PLA2R1: variants seen among roughly 807,000 people sequenced by gnomAD.
The protein encoded by PLA2R1 is secretory phospholipase A2 receptor.
PLA2R1 carries 158 observed loss-of-function variants against 195.9 expected under a neutral mutation model. The observed-to-expected ratio is 0.81, with a 90% CI of 0.71 to 0.92. The LOEUF (loss-of-function observed/expected upper bound fraction) is 0.92. Among genes scored for constraint, PLA2R1 ranks in the 40% least tolerant of loss-of-function variants. PLA2R1 has a pLI of 0.00. For missense variants in PLA2R1, 1,626 were observed against 1,764.6 expected, an observed-to-expected ratio of 0.92 and a Z score of 1.41; for synonymous variants, 586 against 598.2, an observed-to-expected ratio of 0.98 and a Z score of 0.30.
At chr2:159,981,041 C>T (rs1396052156) in intron 13 of PLA2R1, among the ~76,000 whole-genome samples, 1 of 152,166 alleles carries the variant, frequency 6.6e-6, no homozygotes, top group Non-Finnish European at 1.5e-5. Flanking sequence ...ATGGCATAGG[C>T]TGAAAATCCA....
rs909106839 is a variant in PLA2R1, at chr2:160,041,950, T to G, written c.667+75A>C. On this transcript the variant is annotated intron_variant, in intron 3 of 29. Coordinates refer to ENST00000283243, the MANE Select transcript of PLA2R1 (RefSeq NM_007366.5). ...TTCAATATATCAATCCCAGTGCTTT[T>G]GTTTAGATACAGATAACTTTCTAAT... The G allele has an allele frequency of 8.6e-6, 10 of 1,165,342 alleles. No individual in the cohort carries two copies. The African/African-American group carries it at 1.5e-4, about 18-fold the overall frequency. 72.2% of individuals were successfully genotyped at this position (1,165,342 alleles called of 1,614,324 possible).
At chr2:159,969,119 C>T in intron 19 of PLA2R1, 137 bp downstream of exon 19, 1 of 568,578 alleles carries the variant, frequency 1.8e-6, no homozygotes, top group East Asian at 3.0e-5. Context: ...AGCCTTATGG[C>T]AGACAAAACT....
At chr2:159,950,809 G>A (rs1687688058) in intron 24 of PLA2R1, among the ~76,000 whole-genome samples, 1 of 152,080 alleles carries the variant, frequency 6.6e-6, no homozygotes, top group African/African-American at 2.4e-5. Flanking sequence ...GGATAGACTA[G>A]TTTACTTTTC....
chr2:160,060,497 C>G (rs535039708), intron 1 of PLA2R1, among the ~76,000 whole-genome samples: 1 of 152,170 alleles, frequency 6.6e-6, no homozygotes, highest in Non-Finnish European at 1.5e-5. Flanking sequence ...TGTGCCTGTG[C>G]GAGGAATGGT....
At chr2:160,015,643 A>G (rs1474872212) in intron 9 of PLA2R1, among the ~76,000 whole-genome samples, 1 of 152,184 alleles carries the variant, frequency 6.6e-6, no homozygotes, top group Non-Finnish European at 1.5e-5. Flanking sequence ...TCAATATTTC[A>G]TATCAGGTAG....
Position 160,016,628 on chromosome 2 carries a change from A to T in PLA2R1, c.1537T>A (p.Ser513Thr), listed in dbSNP as rs779628785. Residue 513 changes from serine to threonine, a missense_variant, in exon 9 of 30, where the codon TCA (serine) becomes ACA (threonine). Transcript: ENST00000283243. ...KAGHVLSDAE[S>T]GCQEGWERHG... ...ACAGCACTTACCTCTTGACATCCTGATTCAGCATCAGAGAGGACATGGCCT... is the reference window on the plus strand; with the variant it reads ...ACAGCACTTACCTCTTGACATCCTGTTTCAGCATCAGAGAGGACATGGCCT... 6.3e-7 allele frequency: 1 copy of T among 1,588,144 alleles called. No homozygotes were observed. Among genetic ancestry groups the T allele is most frequent in the South Asian group, 1.1e-5 (1 of 90,434 alleles).
In PLA2R1 at chr2:160,028,801, G is replaced by T. The variant is rs1403509602; in HGVS notation, c.955+49C>A. The T allele has an allele frequency of 3.9e-6, 4 of 1,030,464 alleles. No homozygotes were observed. The Admixed American group carries it at 6.8e-5, about 18-fold the overall frequency. 63.8% of individuals were successfully genotyped at this position (1,030,464 alleles called of 1,614,324 possible). A position where few individuals can be genotyped will look rare whatever the true frequency, so the allele number is the denominator to read the frequency against. On this transcript the variant is annotated intron_variant, in intron 5 of 29. Transcript: ENST00000283243. Reference sequence around the variant, plus strand: ...TGCATGGGAAATGCTGCTGTGTAAGGGTGCAAGATGATGCCACGTGACGAA... The same window carrying T: ...TGCATGGGAAATGCTGCTGTGTAAGTGTGCAAGATGATGCCACGTGACGAA...
intron 2 of PLA2R1, among the ~76,000 whole-genome samples, chr2:160,043,600 C>T (rs890269972): frequency 6.6e-6 from 1 of 152,202 alleles, no homozygotes; most frequent in Non-Finnish European, 1.5e-5. Flanking sequence ...TATTTCAGGA[C>T]ATGCCCTTTT....
chr2:159,944,720 CTCATA>C (rs1249858213), intron 28 of PLA2R1, among the ~76,000 whole-genome samples, 181 bp downstream of exon 28: 1 of 151,988 alleles, frequency 6.6e-6, no homozygotes, highest in Non-Finnish European at 1.5e-5. Flanking sequence ...GATTTTTTTT[CTCATA>C]TCAGAGAAAG....
chr2:160,018,943 T>C (rs1692932374), intron 8 of PLA2R1, among the ~76,000 whole-genome samples: 1 of 152,156 alleles, frequency 6.6e-6, no homozygotes. Context: ...CCTGACAGAG[T>C]ATCCTGGTGG....
intron 10 of PLA2R1, among the ~76,000 whole-genome samples, chr2:160,007,656 GACTTGTATACTGAAA>G (rs566371010): frequency 4.4e-4 from 67 of 152,308 alleles, no homozygotes; most frequent in African/African-American, 1.5e-3. Flanking sequence ...ACTACACAAA[GACTTGTATACTGAAA>G]ACTTGTATAC....
At position 159,977,311 on chromosome 2, in the gene PLA2R1, G is replaced by A. The variant is rs142080447; in HGVS notation, c.2374C>T (p.Arg792Cys). 5.6e-6 allele frequency: 9 copies of A among 1,612,250 alleles called. No homozygotes were observed. The highest frequency in any genetic ancestry group is 1.7e-4 in the Middle Eastern group (1 of 6,052). Residue 792 changes from arginine (R) to cysteine (C), a missense_variant, in exon 15 of 30, where the codon CGT (arginine) becomes TGT (cysteine). Transcript: ENST00000283243. ...CTTGGGATTTTGCATATCCATTCAC[G>A]TTTGGAACCACAGTGTAAGGGCAGC... ...TLLPLHCGSK[R>C]EWICKIPRDV...
chr2:160,033,418 A>T (rs1442153469), intron 3 of PLA2R1, among the ~76,000 whole-genome samples: 1 of 152,256 alleles, frequency 6.6e-6, no homozygotes, highest in Non-Finnish European at 1.5e-5. Context: ...AGAAGGAAGT[A>T]GAAGCGAAGT....
At chr2:159,993,158 TCTC>T (rs1438200714) in intron 11 of PLA2R1, among the ~76,000 whole-genome samples, 1 of 152,092 alleles carries the variant, frequency 6.6e-6, no homozygotes, top group African/African-American at 2.4e-5. Context: ...AGCATTAGCT[TCTC>T]CTTGAATGAG....
chr2:159,949,269 C>G (rs1225458486), intron 25 of PLA2R1, among the ~76,000 whole-genome samples: 1 of 152,082 alleles, frequency 6.6e-6, no homozygotes, highest in Non-Finnish European at 1.5e-5. Context: ...CATTTTCATC[C>G]AGCTTTTCTC....
chr2:160,005,261 T>C (rs1300076007), intron 11 of PLA2R1, among the ~76,000 whole-genome samples: 3 of 151,880 alleles, frequency 2.0e-5, no homozygotes, highest in Non-Finnish European at 2.9e-5. Context: ...TCAATATCAG[T>C]CTGTCTCTAC....
chr2:159,957,493 T>C (rs1688164980), intron 20 of PLA2R1, among the ~76,000 whole-genome samples: 1 of 152,178 alleles, frequency 6.6e-6, no homozygotes. Context: ...TAACTGGGAC[T>C]ACAGGTGCGC....
intron 1 of PLA2R1, among the ~76,000 whole-genome samples, chr2:160,051,626 G>A (rs989671451): frequency 1.3e-5 from 2 of 152,136 alleles, no homozygotes; most frequent in Admixed American, 6.5e-5. Context: ...AGCTGATTAC[G>A]TTCCTAAGAT....
chr2:159,959,080 G>GA (rs1433792093), intron 20 of PLA2R1, among the ~76,000 whole-genome samples: 3 of 152,154 alleles, frequency 2.0e-5, no homozygotes, highest in Non-Finnish European at 4.4e-5. Flanking sequence ...CAAATAAACT[G>GA]AATTGGCTTT....
Sources: gnomAD v4.1 joint callset for allele counts (sites outside exome capture counted in the v4.1 genomes callset) on GRCh38, gnomAD v4.1.1 for gene constraint, MANE v1.5 for transcripts, NCBI Gene and HGNC (gene_info 2026-07-23, HGNC 2026-07-21) for gene names.